The following SMIM13 variants were observed in gnomAD, a reference collection of about 807,000 sequenced individuals.
The protein encoded by SMIM13 is UPF0766 protein C6orf228.
A neutral mutation model predicts 5.9 loss-of-function variants in SMIM13; 3 were observed. The observed-to-expected ratio is 0.51, with a 90% CI of 0.23 to 1.31. SMIM13 has a LOEUF of 1.31. SMIM13 is among the 40% of genes most tolerant of loss of function. The pLI is 0.18. For synonymous variants in SMIM13, 55 were observed against 46.0 expected, an observed-to-expected ratio of 1.19 and a Z score of -0.79; for missense variants, 85 against 109.9, an observed-to-expected ratio of 0.77 and a Z score of 1.01.
intron 1 of SMIM13, among the ~76,000 whole-genome samples, chr6:11,127,971 C>T (rs952177654): frequency 2.6e-5 from 4 of 152,308 alleles, no homozygotes; most frequent in South Asian, 4.1e-4. Flanking sequence ...GAGCCAAGGC[C>T]TGGAATTGGG....
chr6:11,129,082 G>A (rs545305710), intron 1 of SMIM13, among the ~76,000 whole-genome samples: 2 of 151,548 alleles, frequency 1.3e-5, no homozygotes, highest in African/African-American at 4.8e-5. Context: ...CGGGAGCGGG[G>A]GGGGGATGAT....
At chr6:11,115,658 A>G (rs1427433149) in intron 1 of SMIM13, among the ~76,000 whole-genome samples, 1 of 150,984 alleles carries the variant, frequency 6.6e-6, no homozygotes, top group Non-Finnish European at 1.5e-5. Flanking sequence ...TACCTTTGCC[A>G]TGTTCTTTCT....
chr6:11,136,715 A>G lies in SMIM13; in HGVS notation c.*2113A>G, dbSNP rs531088705. On this transcript the variant is annotated 3_prime_UTR_variant, in exon 2 of 2. Coordinates refer to ENST00000416247, the MANE Select transcript of SMIM13 (RefSeq NM_001135575.2). The stretch of plus-strand genomic sequence containing the variant: ...TGTCTTCATTTCTTTATTAGATACA[A>G]TTTTCTATTTTTATGTGACTCTAGG... 2 of 151,862 alleles carry G rather than the reference A, an allele frequency of 1.3e-5. No individual in the cohort carries two copies. The highest frequency in any genetic ancestry group is 2.4e-5 in the African/African-American group (1 of 41,328). 9.4% of individuals were successfully genotyped at this position (151,862 alleles called of 1,614,324 possible). A position where few individuals can be genotyped will look rare whatever the true frequency, so the allele number is the denominator to read the frequency against.
Position 11,105,101 on chromosome 6 carries a change from C to T in SMIM13, c.76+10712C>T, listed in dbSNP as rs181585257. 120 of 1,614,164 alleles carry T rather than the reference C, an allele frequency of 7.4e-5. 1 individual carries two copies. The East Asian group carries it at 1.2e-3, about 16-fold the overall frequency. On this transcript the variant is annotated intron_variant, in intron 1 of 1. Transcript: ENST00000416247. ...CCCATCGATAGGAAATATGTAATTC[C>T]GCCTCTATGCTTGTCCATTCTCTGG...
At chr6:11,120,271 G>A (rs1758293169) in intron 1 of SMIM13, among the ~76,000 whole-genome samples, 1 of 152,180 alleles carries the variant, frequency 6.6e-6, no homozygotes, top group Non-Finnish European at 1.5e-5. Flanking sequence ...TGCTGTAACA[G>A]AAATACCATA....
chr6:11,101,864 C>T (rs191455084), intron 1 of SMIM13, among the ~76,000 whole-genome samples: 92 of 152,040 alleles, frequency 6.1e-4, no homozygotes, highest in African/African-American at 2.0e-3. Flanking sequence ...CTCAGCCACC[C>T]AAGTAGCTGT....
chr6:11,116,982 C>CCTTT (rs1758247591), intron 1 of SMIM13, among the ~76,000 whole-genome samples: 1 of 46,452 alleles, frequency 2.2e-5, no homozygotes, highest in East Asian at 6.8e-4. Context: ...ATAATTGTTT[C>CCTTT]TTTTTTTTTT....
intron 1 of SMIM13, among the ~76,000 whole-genome samples, chr6:11,128,172 G>A (rs1327617978): frequency 1.3e-5 from 2 of 152,174 alleles, no homozygotes; most frequent in Non-Finnish European, 2.9e-5. Flanking sequence ...AAGGCCCTCA[G>A]TAAGTACTGT....
chr6:11,111,086 T>G (rs2113650719), intron 1 of SMIM13, among the ~76,000 whole-genome samples: 1 of 152,302 alleles, frequency 6.6e-6, no homozygotes, highest in East Asian at 1.9e-4. Flanking sequence ...TCATCCGAGC[T>G]GGTAGGGTAA....
At chr6:11,097,892 C>G (rs755928423) in intron 1 of SMIM13, among the ~76,000 whole-genome samples, 2 of 151,328 alleles carry the variant, frequency 1.3e-5, no homozygotes, top group African/African-American at 4.9e-5. Flanking sequence ...GTGAACCTTT[C>G]TTTTTTTTTA....
intron 1 of SMIM13, among the ~76,000 whole-genome samples, chr6:11,099,623 A>G (rs552493489): frequency 1.6e-4 from 24 of 152,342 alleles, no homozygotes; most frequent in African/African-American, 5.8e-4. Context: ...CATTTGTTCA[A>G]CAAATGAATA....
intron 1 of SMIM13, among the ~76,000 whole-genome samples, chr6:11,128,877 C>CT (rs1758414061): frequency 6.6e-6 from 1 of 152,112 alleles, no homozygotes; most frequent in African/African-American, 2.4e-5. Flanking sequence ...TACAGATTCT[C>CT]TTTCCATGGC....
chr6:11,114,019 G>A (rs376512097), intron 1 of SMIM13, among the ~76,000 whole-genome samples: 26 of 145,012 alleles, frequency 1.8e-4, no homozygotes, highest in African/African-American at 4.7e-4. Context: ...TCACTCTGTC[G>A]CCCAGGCTGG....
At position 11,103,886 on chromosome 6, in the gene SMIM13, T is replaced by G. The variant is rs977044629; in HGVS notation, c.76+9497T>G. On this transcript the variant is annotated intron_variant, in intron 1 of 1. Coordinates refer to ENST00000416247, the MANE Select transcript of SMIM13 (RefSeq NM_001135575.2). ...GAACCCAAGAGAACCATTTCCAAGT[T>G]CCTTCCCAATTTAACCAACCCTGAG... is the stretch of plus-strand genomic sequence containing the variant. 9.0e-6 allele frequency: 14 copies of G among 1,551,570 alleles called. No individual in the cohort carries two copies. The Admixed American group carries it at 2.4e-4, about 26-fold the overall frequency.
intron 1 of SMIM13, among the ~76,000 whole-genome samples, chr6:11,126,380 A>G (rs1214734889): frequency 6.6e-6 from 1 of 152,222 alleles, no homozygotes; most frequent in Non-Finnish European, 1.5e-5. Flanking sequence ...CCTGTCTTCA[A>G]GGTCACTAAT....
intron 1 of SMIM13, chr6:11,102,742 A>T (rs1437742671): frequency 6.6e-6 from 1 of 152,194 alleles, no homozygotes; most frequent in Non-Finnish European, 1.5e-5. Flanking sequence ...CTGGAACCTA[A>T]ATGGTGGAAC....
In SMIM13 at chr6:11,134,763, C is replaced by A. The variant is rs1457041634; in HGVS notation, c.*161C>A. The A allele has an allele frequency of 4.1e-6, 2 of 487,602 alleles. No homozygotes were observed. Among genetic ancestry groups the A allele is most frequent in the South Asian group, 5.8e-5 (1 of 17,140 alleles). 30.2% of individuals were successfully genotyped at this position (487,602 alleles called of 1,614,324 possible). ...CATATAAAAATAAAGGGAACTGAAA[C>A]CAAATTGGACTATTATAAATTTCAT... On this transcript the variant is annotated 3_prime_UTR_variant, in exon 2 of 2. Transcript: ENST00000416247.
chr6:11,105,379 T>C, intron 1 of SMIM13: 3 of 1,187,698 alleles, frequency 2.5e-6, no homozygotes, highest in Non-Finnish European at 3.6e-6. Flanking sequence ...CAAGTTAGGG[T>C]TAAAATAGTG....
chr6:11,115,550 A>G (rs577814469), intron 1 of SMIM13, among the ~76,000 whole-genome samples: 20 of 152,358 alleles, frequency 1.3e-4, no homozygotes, highest in African/African-American at 4.8e-4. Context: ...TCACTTTTGA[A>G]TAACTAAAAA....
Sources: gnomAD v4.1 joint callset for allele counts (sites outside exome capture counted in the v4.1 genomes callset) on GRCh38, gnomAD v4.1.1 for gene constraint, MANE v1.5 for transcripts, NCBI Gene and HGNC (gene_info 2026-07-23, HGNC 2026-07-21) for gene names.